Variants in HIPK2 observed in about 807,000 individuals in gnomAD.
The protein encoded by HIPK2 is homeodomain-interacting protein kinase 2.
Under a neutral mutation model 113.7 loss-of-function variants are expected in HIPK2, and 27 were observed. That is an observed-to-expected ratio of 0.24 (90% CI 0.17 to 0.33). HIPK2 has a LOEUF of 0.33. Ranked by LOEUF, HIPK2 falls within the 10% of genes least tolerant of loss-of-function variation. HIPK2 has a pLI of 1.00. For synonymous variants in HIPK2, 631 were observed against 642.2 expected (o/e 0.98, Z 0.26); for missense variants, 1,257 against 1,588.0 (o/e 0.79, Z 3.54).
intron 2 of HIPK2, among the ~76,000 whole-genome samples, chr7:139,639,784 C>T (rs1161976155): frequency 1.3e-5 from 2 of 152,224 alleles, no homozygotes; most frequent in Non-Finnish European, 2.9e-5. Flanking sequence ...GAGTCTATGT[C>T]AAGTGCACAC....
chr7:139,736,088 A>G (rs1585438718), intron 1 of HIPK2, among the ~76,000 whole-genome samples: 1 of 151,796 alleles, frequency 6.6e-6, no homozygotes, highest in Admixed American at 6.6e-5. Flanking sequence ...CTGAGAGGGG[A>G]GGGAGGAATG....
At chr7:139,668,686 G>T (rs766968497) in intron 2 of HIPK2, among the ~76,000 whole-genome samples, 91 of 152,092 alleles carry the variant, frequency 6.0e-4, no homozygotes, top group Non-Finnish European at 1.1e-3. Flanking sequence ...TTAACAAATG[G>T]AATCTATTCT....
intron 2 of HIPK2, among the ~76,000 whole-genome samples, chr7:139,644,975 CT>C (rs1403755552): frequency 2.6e-4 from 40 of 152,366 alleles, no homozygotes; most frequent in Admixed American, 2.0e-3. Context: ...TTATGTGCAA[CT>C]TTACTGATTT....
chr7:139,604,683 C>CAAAAAAAA (rs11353760), intron 9 of HIPK2, among the ~76,000 whole-genome samples: 2 of 48,802 alleles, frequency 4.1e-5, no homozygotes, highest in African/African-American at 1.5e-4. Context: ...GACTCCGTCT[C>CAAAAAAAA]AAAAAAAAAA....
At chr7:139,593,715 G>A (rs1001663998) in intron 12 of HIPK2, among the ~76,000 whole-genome samples, 7 of 152,172 alleles carry the variant, frequency 4.6e-5, no homozygotes, top group African/African-American at 1.7e-4. Context: ...GGGGTAAGTA[G>A]CAAATAGAAA....
chr7:139,624,375 A>G (rs1488080709), intron 6 of HIPK2, among the ~76,000 whole-genome samples: 1 of 151,962 alleles, frequency 6.6e-6, no homozygotes, highest in Non-Finnish European at 1.5e-5. Flanking sequence ...CACTGGCTGG[A>G]CCTTCCTCTC....
rs889151331 is a variant in HIPK2, at chr7:139,696,327, C to T, written c.1103+19605G>A. On this transcript the variant is annotated intron_variant, in intron 2 of 14. Coordinates refer to ENST00000406875, the MANE Select transcript of HIPK2 (RefSeq NM_022740.5). ...GTGGCTCACATCTATAATCCCAGCG[C>T]TTTGGGAGGTGGAGACAGGAGGATC... Among the ~76,000 whole-genome samples the T allele has an allele frequency of 3.4e-4, 51 of 152,150 alleles. No homozygotes were observed. The South Asian group carries it at 7.5e-3, about 22-fold the overall frequency.
intron 2 of HIPK2, among the ~76,000 whole-genome samples, chr7:139,715,180 T>A (rs1381581241): frequency 1.3e-5 from 2 of 152,146 alleles, no homozygotes; most frequent in Non-Finnish European, 2.9e-5. Flanking sequence ...CTGGCACATA[T>A]TAAAAGTGAA....
chr7:139,716,270 G>A lies in HIPK2; in HGVS notation c.765C>T (p.Ala255=), dbSNP rs760858441. Residue 255 remains alanine, a synonymous_variant, in exon 2 of 15, where the codon GCC becomes GCT. Coordinates refer to ENST00000406875, the MANE Select transcript of HIPK2 (RefSeq NM_022740.5). The surrounding 1 kb of genome is among the most constrained non-coding windows in gnomAD (Gnocchi z 9.3). ...AGGCCCGGACGAAGTTATAGTCATCGGCACTCTCCGTGCTCAACCGGGCCA... is the reference window on the plus strand; with the variant it reads ...AGGCCCGGACGAAGTTATAGTCATCAGCACTCTCCGTGCTCAACCGGGCCA... The part of the protein sequence containing the change: ...SILARLSTES[A]DDYNFVRAYE... 4.3e-6 allele frequency: 7 copies of A among 1,614,082 alleles called. No individual in the cohort carries two copies. Among genetic ancestry groups the A allele is most frequent in the African/African-American group, 1.3e-5 (1 of 74,924 alleles).
At chr7:139,686,931 T>G (rs1794240084) in intron 2 of HIPK2, among the ~76,000 whole-genome samples, 1 of 152,236 alleles carries the variant, frequency 6.6e-6, no homozygotes, top group Non-Finnish European at 1.5e-5. Flanking sequence ...CAAACTTCAC[T>G]GCTGTCATTT....
intron 1 of HIPK2, among the ~76,000 whole-genome samples, chr7:139,774,068 A>G (rs1384993582): frequency 1.3e-5 from 2 of 152,220 alleles, no homozygotes; most frequent in East Asian, 1.9e-4. Context: ...TCTTTCTTCT[A>G]TGGCTATAGG....
chr7:139,766,460 C>T (rs1451320274), intron 1 of HIPK2, among the ~76,000 whole-genome samples: 1 of 152,232 alleles, frequency 6.6e-6, no homozygotes, highest in African/African-American at 2.4e-5. Flanking sequence ...CACCACCTCA[C>T]TTGACCCTGT....
chr7:139,767,195 C>G (rs1325669625), intron 1 of HIPK2, among the ~76,000 whole-genome samples: 1 of 152,222 alleles, frequency 6.6e-6, no homozygotes, highest in Non-Finnish European at 1.5e-5. Context: ...TGCAAATGCT[C>G]AAGCCTACCA....
intron 1 of HIPK2, chr7:139,722,014 T>C (rs1406358884): frequency 2.1e-6 from 1 of 475,758 alleles, no homozygotes; most frequent in East Asian, 6.3e-5. Flanking sequence ...CCTATTACCA[T>C]ACCACTCTGT....
intron 2 of HIPK2, among the ~76,000 whole-genome samples, chr7:139,641,758 A>G (rs980062856): frequency 6.6e-6 from 1 of 152,206 alleles, no homozygotes; most frequent in African/African-American, 2.4e-5. Context: ...CACTTTGGTC[A>G]AGTCTGAGAC....
chr7:139,636,240 C>T lies in HIPK2; in HGVS notation c.1104-4515G>A, dbSNP rs144591505. Among the ~76,000 whole-genome samples the T allele has an allele frequency of 8.6e-5, 13 of 151,952 alleles. No individual in the cohort carries two copies. The East Asian group carries it at 1.6e-3, about 18-fold the overall frequency. On this transcript the variant is annotated intron_variant, in intron 2 of 14. Transcript: ENST00000406875. ...CATCGCTTGCTCCCCATATCTGTCC[C>T]GCCTCTCTGCTTGTGGCTTGCCCAT...
chr7:139,747,376 C>T (rs374393261), intron 1 of HIPK2, among the ~76,000 whole-genome samples: 13 of 152,168 alleles, frequency 8.5e-5, no homozygotes, highest in African/African-American at 1.4e-4. Flanking sequence ...ACCTTCCTAG[C>T]GTTGGGACTA....
intron 6 of HIPK2, among the ~76,000 whole-genome samples, chr7:139,624,019 G>A (rs999760831): frequency 1.4e-5 from 2 of 143,564 alleles, no homozygotes; most frequent in Admixed American, 7.0e-5. Flanking sequence ...ATCCACCAAC[G>A]GCTTCCTATT....
At position 139,614,493 on chromosome 7, in the gene HIPK2, C is replaced by A; in HGVS notation, c.1783G>T (p.Ala595Ser). The change falls in exon 8 of 15, where the codon GCT becomes TCT. Residue 595 changes from alanine to serine, a missense_variant and splice_region_variant. Ala to Ser is a moderately conservative substitution (Grantham distance 99). Around this residue, in one of 5 missense-constraint regions of HIPK2, gnomAD observed 862 missense variants for 1,004.3 expected, o/e 0.86. Coordinates refer to ENST00000406875, the MANE Select transcript of HIPK2 (RefSeq NM_022740.5). ...NNQLTTVHNQ[A>S]PSSTSATISL... ...ATAGTGGCACTGGTAGAGGAGGGAG[C>A]CTAAAGGAGTGATGGGGATTAAACA... 7.2e-7 allele frequency: 1 copy of A among 1,379,518 alleles called. No individual in the cohort carries two copies. Among genetic ancestry groups the A allele is most frequent in the Non-Finnish European group, 9.5e-7 (1 of 1,054,138 alleles). The allele number at this position is 1,379,518 out of a possible 1,614,324, so 85.5% of individuals were successfully genotyped here. A position where few individuals can be genotyped will look rare whatever the true frequency, so the allele number is the denominator to read the frequency against.
Sources: allele counts gnomAD v4.1 joint callset (sites outside exome capture counted in the v4.1 genomes callset), GRCh38; gene constraint gnomAD v4.1.1; regional missense constraint gnomAD v4.1.1; non-coding constraint Gnocchi (gnomAD v3.1); transcripts MANE v1.5; gene names NCBI Gene and HGNC (gene_info 2026-07-23, HGNC 2026-07-21).